ATP12A: variants seen among roughly 807,000 people sequenced by gnomAD.
ATP12A encodes the protein potassium-transporting ATPase alpha chain 2.
Under a neutral mutation model 111.2 loss-of-function variants are expected in ATP12A, and 81 were observed. The ratio of observed to expected loss-of-function variants is 0.73; its 90% CI spans 0.61 to 0.88. The LOEUF (loss-of-function observed/expected upper bound fraction) is 0.88, where lower values mean the gene tolerates loss of function less well. Among genes scored for constraint, ATP12A ranks in the 40% least tolerant of loss-of-function variants. ATP12A has a pLI of 0.00. For missense variants in ATP12A, 1,196 were observed against 1,313.1 expected, an observed-to-expected ratio of 0.91 and a Z score of 1.38; for synonymous variants, 498 against 499.8, an observed-to-expected ratio of 1.00 and a Z score of 0.05.
At chr13:24,701,841 C>T (rs1020483214) in intron 13 of ATP12A, 94 bp from the exon 14 acceptor site, 2 of 1,517,050 alleles carry the variant, frequency 1.3e-6, no homozygotes, top group South Asian at 2.3e-5. Context: ...CACGTTCTCC[C>T]AGGGCACTAC....
In ATP12A at chr13:24,692,558, A is replaced by T. The variant is rs1310178253; in HGVS notation, c.1198A>T (p.Arg400Trp). The change falls in exon 9 of 23, where the codon AGG becomes TGG. Residue 400 changes from arginine to tryptophan, a missense_variant. This residue lies in a region of ATP12A where 1,126 missense variants were observed against 1,228.5 expected (regional missense o/e 0.92). Coordinates refer to ENST00000381946, the MANE Select transcript of ATP12A (RefSeq NM_001676.7). ...CAAGACTGGGACACTGACCCAGAAC[A>T]GGATGACAGTGGCCCATCTGTGGTT... The part of the protein sequence containing the change: ...SDKTGTLTQN[R>W]MTVAHLWFDN... 6.2e-7 allele frequency: 1 copy of T among 1,614,178 alleles called. No individual in the cohort carries two copies. Among genetic ancestry groups the T allele is most frequent in the Non-Finnish European group, 8.5e-7 (1 of 1,180,018 alleles).
At chr13:24,709,538 T>G in intron 18 of ATP12A, 51 bp downstream of exon 18, 1 of 1,602,484 alleles carries the variant, frequency 6.2e-7, no homozygotes, top group African/African-American at 1.3e-5. Flanking sequence ...CCCCGAGAAT[T>G]CACTGGAGTG....
rs764763644 is a variant in ATP12A, at chr13:24,700,919, C to G, written c.1878C>G (p.Ile626Met). Reference sequence around the variant, plus strand: ...TCACCAAATGCCGGAGTGCAGGGATCAAGGTGGGAGTTATTTTCCTGACTC... The same window carrying G: ...TCACCAAATGCCGGAGTGCAGGGATGAAGGTGGGAGTTATTTTCCTGACTC... ...DAVTKCRSAG[I>M]KVIMVTGDHP... The change falls in exon 13 of 23, where the codon ATC becomes ATG. Residue 626 changes from isoleucine (I) to methionine (M), a missense_variant. Coordinates refer to ENST00000381946, the MANE Select transcript of ATP12A (RefSeq NM_001676.7). The G allele has an allele frequency of 6.2e-6, 10 of 1,613,500 alleles. No homozygotes were observed. The highest frequency in any genetic ancestry group is 8.5e-6 in the Non-Finnish European group (10 of 1,179,660).
At chr13:24,708,601 G>A (rs1202342511) in intron 17 of ATP12A, among the ~76,000 whole-genome samples, 3 of 152,008 alleles carry the variant, frequency 2.0e-5, no homozygotes, top group Non-Finnish European at 2.9e-5. Context: ...GCACACTCTG[G>A]GCACTGGTGG....
At chr13:24,683,109 A>G (rs549045369) in intron 2 of ATP12A, among the ~76,000 whole-genome samples, 2 of 152,234 alleles carry the variant, frequency 1.3e-5, no homozygotes, top group South Asian at 4.2e-4. Context: ...GGCGCCCGCC[A>G]TCACACCCAG....
chr13:24,706,940 A>G, intron 15 of ATP12A, 83 bp from the exon 16 acceptor site: 3 of 1,439,042 alleles, frequency 2.1e-6, no homozygotes, highest in Non-Finnish European at 1.9e-6. Context: ...CCTCAAGAGA[A>G]AGGGAAGTCT....
At chr13:24,710,392 C>A in intron 19 of ATP12A, 68 bp from the exon 20 acceptor site, 1 of 1,580,860 alleles carries the variant, frequency 6.3e-7, no homozygotes. Context: ...CTTTAGAGAA[C>A]TGCATTGGAA....
chr13:24,694,455 T>A lies in ATP12A; in HGVS notation c.1389T>A (p.Ile463=). 6.2e-7 allele frequency: 1 copy of A among 1,612,966 alleles called. No individual in the cohort carries two copies. Among genetic ancestry groups the A allele is most frequent in the East Asian group, 2.2e-5 (1 of 44,888 alleles). Residue 463 remains isoleucine (I), a synonymous_variant, in exon 11 of 23, where the codon ATT becomes ATA. Transcript: ENST00000381946. ...ENVPIMKKAV[I]GDASETALLK... Reference sequence around the variant, plus strand: ...TCTTTGATTCCCAGAAAGCTGTGATTGGAGATGCCTCAGAAACTGCTCTTT... The same window carrying A: ...TCTTTGATTCCCAGAAAGCTGTGATAGGAGATGCCTCAGAAACTGCTCTTT...
intron 5 of ATP12A, 46 bp downstream of exon 5, chr13:24,689,421 G>A: frequency 3.9e-6 from 6 of 1,546,040 alleles, no homozygotes; most frequent in Middle Eastern, 1.9e-4. Flanking sequence ...ACTCCCAGGT[G>A]AGGAAGCCTC....
chr13:24,682,411 G>A (rs1874515434), intron 2 of ATP12A, among the ~76,000 whole-genome samples: 1 of 141,356 alleles, frequency 7.1e-6, no homozygotes, highest in Non-Finnish European at 1.5e-5. Context: ...ATGTGTGTGT[G>A]TGTGTTTTGA....
chr13:24,701,000 G>T, intron 13 of ATP12A, 78 bp downstream of exon 13: 1 of 1,506,246 alleles, frequency 6.6e-7, no homozygotes, highest in Non-Finnish European at 9.1e-7. Flanking sequence ...CATAGCAGAT[G>T]GTCAGTATTT....
At chr13:24,693,893 C>T (rs558365951) in intron 10 of ATP12A, among the ~76,000 whole-genome samples, 10 of 152,368 alleles carry the variant, frequency 6.6e-5, no homozygotes, top group South Asian at 2.1e-4. Flanking sequence ...AATTAAACCT[C>T]TTTGATTCCG....
intron 13 of ATP12A, among the ~76,000 whole-genome samples, chr13:24,701,208 G>A (rs1167538047): frequency 1.3e-5 from 2 of 152,080 alleles, no homozygotes; most frequent in African/African-American, 4.8e-5. Flanking sequence ...ATACTAAAAG[G>A]CTTTATTGGC....
At chr13:24,684,945 A>G (rs1388945260) in intron 2 of ATP12A, among the ~76,000 whole-genome samples, 1 of 152,180 alleles carries the variant, frequency 6.6e-6, no homozygotes, top group Admixed American at 6.5e-5. Context: ...AGCCAATCCC[A>G]GGGTTCAGGC....
At chr13:24,703,181 G>T (rs543682076) in intron 14 of ATP12A, among the ~76,000 whole-genome samples, 5 of 152,108 alleles carry the variant, frequency 3.3e-5, no homozygotes, top group Non-Finnish European at 7.4e-5. Flanking sequence ...TATTTGTTTG[G>T]TTTTGTAAGA....
intron 7 of ATP12A, 38 bp from the exon 8 acceptor site, chr13:24,690,944 T>C: frequency 1.2e-6 from 2 of 1,610,368 alleles, no homozygotes; most frequent in Non-Finnish European, 1.7e-6. Context: ...CCCTCCTGGC[T>C]GAGGACCCCT....
At chr13:24,698,612 C>T (rs531182809) in intron 11 of ATP12A, 46 bp from the exon 12 acceptor site, 54 of 1,574,166 alleles carry the variant, frequency 3.4e-5, no homozygotes, top group South Asian at 9.1e-5. Context: ...AGAAGGAATG[C>T]GTTTCACCTT....
intron 2 of ATP12A, among the ~76,000 whole-genome samples, chr13:24,684,880 G>A (rs1195612328): frequency 6.6e-6 from 1 of 152,138 alleles, no homozygotes; most frequent in East Asian, 1.9e-4. Flanking sequence ...CAGCGAAGGA[G>A]GAGGAGTTGT....
At chr13:24,711,116 G>A (rs974693057) in intron 21 of ATP12A, among the ~76,000 whole-genome samples, 1 of 152,250 alleles carries the variant, frequency 6.6e-6, no homozygotes, top group South Asian at 2.1e-4. Flanking sequence ...CCAACAGGTT[G>A]CTTCAAAGGC....
Sources: allele counts gnomAD v4.1 joint callset (sites outside exome capture counted in the v4.1 genomes callset), GRCh38; gene constraint gnomAD v4.1.1; regional missense constraint gnomAD v4.1.1; transcripts MANE v1.5; gene names NCBI Gene and HGNC (gene_info 2026-07-23, HGNC 2026-07-21).